Variants in CDK5RAP2 observed in about 807,000 individuals in gnomAD.
The protein encoded by CDK5RAP2 is CDK5 regulatory subunit associated protein 2.
CDK5RAP2 carries 147 observed loss-of-function variants against 232.9 expected under a neutral mutation model. The observed-to-expected ratio is 0.63, with a 90% CI of 0.55 to 0.72. The LOEUF (loss-of-function observed/expected upper bound fraction) is 0.72, where lower values mean the gene tolerates loss of function less well. Ranked by LOEUF, CDK5RAP2 falls within the 30% of genes least tolerant of loss-of-function variation. The pLI, the probability that CDK5RAP2 is intolerant of heterozygous loss-of-function variation, is 0.00. For missense variants in CDK5RAP2, 2,195 were observed against 2,231.5 expected (o/e 0.98, Z 0.33); for synonymous variants, 833 against 833.7 (o/e 1.00, Z 0.01).
chr9:120,540,519 T>C (rs937331000), intron 5 of CDK5RAP2, among the ~76,000 whole-genome samples: 3 of 152,244 alleles, frequency 2.0e-5, no homozygotes, highest in African/African-American at 4.8e-5. Flanking sequence ...ATAAAGACTT[T>C]ATTAATATCT....
intron 13 of CDK5RAP2, among the ~76,000 whole-genome samples, chr9:120,488,559 T>A (rs2038731626): frequency 6.6e-6 from 1 of 152,236 alleles, no homozygotes; most frequent in Non-Finnish European, 1.5e-5. Context: ...GCTATATACC[T>A]CCATGTTTCT....
intron 31 of CDK5RAP2, 186 bp downstream of exon 31, chr9:120,408,161 T>C: frequency 1.4e-6 from 1 of 739,542 alleles, no homozygotes; most frequent in Non-Finnish European, 2.4e-6. Context: ...GCCTCAGTCC[T>C]TCTATGTTTC....
chr9:120,563,013 A>G (rs1440063533), intron 3 of CDK5RAP2, among the ~76,000 whole-genome samples: 9 of 152,222 alleles, frequency 5.9e-5, no homozygotes, highest in Non-Finnish European at 1.5e-5. Context: ...ATGTTAAGCA[A>G]GTACACTAAT....
At chr9:120,526,170 T>G (rs2040890512) in intron 10 of CDK5RAP2, among the ~76,000 whole-genome samples, 1 of 152,202 alleles carries the variant, frequency 6.6e-6, no homozygotes, top group African/African-American at 2.4e-5. Flanking sequence ...CTCACACCTA[T>G]AAACAGGGAG....
chr9:120,528,780 A>G lies in CDK5RAP2; in HGVS notation c.843T>C (p.His281=), dbSNP rs111542891. 3.1e-6 allele frequency: 5 copies of G among 1,610,214 alleles called. 1 individual carries two copies. Among genetic ancestry groups the G allele is most frequent in the African/African-American group, 2.7e-5 (2 of 74,966 alleles). The change falls in exon 9 of 38, where the codon CAT becomes CAC. Residue 281 remains histidine, a synonymous_variant. Coordinates refer to ENST00000349780, the MANE Select transcript of CDK5RAP2 (RefSeq NM_018249.6). ...ERETEAAQME[H]QKERNSFEER... The stretch of plus-strand genomic sequence containing the variant: ...CTTCAAAGCTGTTTCTCTCCTTCTG[A>G]TGCTCCATTTGTGCAGCCTAAGAAA...
At chr9:120,485,194 C>T (rs1180257051) in intron 14 of CDK5RAP2, among the ~76,000 whole-genome samples, 3 of 151,202 alleles carry the variant, frequency 2.0e-5, no homozygotes, top group Non-Finnish European at 4.4e-5. Context: ...CATCACCCAG[C>T]ACAAAAAAAC....
chr9:120,528,066 T>C (rs913620210), intron 9 of CDK5RAP2, 141 bp from the exon 10 acceptor site: 6 of 1,189,958 alleles, frequency 5.0e-6, no homozygotes, highest in Admixed American at 3.6e-5. Context: ...CAAGTGGAGC[T>C]GAACATAGTG....
chr9:120,543,197 C>G (rs1158317780), intron 5 of CDK5RAP2, among the ~76,000 whole-genome samples: 2 of 152,184 alleles, frequency 1.3e-5, no homozygotes, highest in Non-Finnish European at 2.9e-5. Context: ...CTGATTCACC[C>G]AGCTACTCTG....
chr9:120,468,025 GTC>G, intron 17 of CDK5RAP2, 28 bp from the exon 18 acceptor site: 1 of 1,612,932 alleles, frequency 6.2e-7, no homozygotes, highest in Non-Finnish European at 8.5e-7. Context: ...GGAAAAGGCT[GTC>G]TACCCAGCAA....
At chr9:120,390,862 G>A (rs1358394324) in intron 36 of CDK5RAP2, among the ~76,000 whole-genome samples, 3 of 152,168 alleles carry the variant, frequency 2.0e-5, no homozygotes, top group East Asian at 3.9e-4. Context: ...CTTGCCTCAC[G>A]AAAATTTCCA....
Position 120,527,984 on chromosome 9 carries a change from A to C in CDK5RAP2, c.880-59T>G, listed in dbSNP as rs2040981473. ...ATGCGTTCCAACCAAAATGCACCAT[A>C]AATATATCTTTAAGAGCACACTCAA... On this transcript the variant is annotated intron_variant, in intron 9 of 37. Transcript: ENST00000349780. 2.5e-6 allele frequency: 4 copies of C among 1,598,562 alleles called. No homozygotes were observed. The South Asian group carries it at 3.3e-5, about 13-fold the overall frequency.
intron 25 of CDK5RAP2, among the ~76,000 whole-genome samples, chr9:120,423,155 A>C (rs1055920118): frequency 6.6e-6 from 1 of 152,218 alleles, no homozygotes; most frequent in Non-Finnish European, 1.5e-5. Context: ...CATGGAAGAT[A>C]CCATATTACA....
At chr9:120,541,902 G>A (rs575844342) in intron 5 of CDK5RAP2, among the ~76,000 whole-genome samples, 86 of 152,328 alleles carry the variant, frequency 5.6e-4, no homozygotes, top group African/African-American at 2.0e-3. Context: ...CCTGAGGAGA[G>A]AAAAGGCTGA....
In CDK5RAP2 at chr9:120,439,284, G is replaced by A. The variant is rs938205027; in HGVS notation, c.3722+115C>T. ...GAACCCCACCATCAAGCCTTCCCCA[G>A]AACACACTCTACCCATCACAGAGTA... On this transcript the variant is annotated intron_variant, in intron 24 of 37. Coordinates refer to ENST00000349780, the MANE Select transcript of CDK5RAP2 (RefSeq NM_018249.6). 4 of 968,118 alleles carry A rather than the reference G, an allele frequency of 4.1e-6. No homozygotes were observed. In the African/African-American group the frequency reaches 4.8e-5, roughly 12 times the overall value. 60.0% of individuals were successfully genotyped at this position (968,118 alleles called of 1,614,324 possible).
chr9:120,575,118 C>T (rs2042986390), intron 1 of CDK5RAP2, among the ~76,000 whole-genome samples: 1 of 152,108 alleles, frequency 6.6e-6, no homozygotes, highest in African/African-American at 2.4e-5. Context: ...GTGGCGTGAT[C>T]TCAGCTCATT....
intron 14 of CDK5RAP2, among the ~76,000 whole-genome samples, chr9:120,479,344 C>G (rs944895286): frequency 6.6e-6 from 1 of 152,022 alleles, no homozygotes; most frequent in African/African-American, 2.4e-5. Flanking sequence ...CCAAGAAACA[C>G]AAAAGGATGC....
intron 12 of CDK5RAP2, among the ~76,000 whole-genome samples, chr9:120,505,845 A>G (rs901349516): frequency 6.6e-6 from 1 of 152,220 alleles, no homozygotes; most frequent in African/African-American, 2.4e-5. Context: ...AAAAACAAAA[A>G]TTGAAGCTAG....
At chr9:120,544,058 G>C (rs1188638584) in intron 5 of CDK5RAP2, among the ~76,000 whole-genome samples, 1 of 152,118 alleles carries the variant, frequency 6.6e-6, no homozygotes, top group Admixed American at 6.6e-5. Context: ...CAGCACACAA[G>C]AGCCACTTAA....
At chr9:120,488,603 C>G (rs1003724731) in intron 13 of CDK5RAP2, among the ~76,000 whole-genome samples, 1 of 152,182 alleles carries the variant, frequency 6.6e-6, no homozygotes, top group African/African-American at 2.4e-5. Flanking sequence ...GGCTTGGTTT[C>G]TTAAGTTTAG....
Sources: allele counts gnomAD v4.1 joint callset (sites outside exome capture counted in the v4.1 genomes callset), GRCh38; gene constraint gnomAD v4.1.1; transcripts MANE v1.5; gene names NCBI Gene and HGNC (gene_info 2026-07-23, HGNC 2026-07-21).